The following RALYL variants were observed in gnomAD, a reference collection of about 807,000 sequenced individuals.
RALYL encodes the protein RNA-binding Raly-like protein.
A neutral mutation model predicts 35.1 loss-of-function variants in RALYL; 29 were observed. That is an observed-to-expected ratio of 0.83 (90% CI 0.61 to 1.13). The LOEUF is 1.13. RALYL is among the 50% of genes most tolerant of loss of function. RALYL has a pLI of 0.00. For missense variants in RALYL, 359 were observed against 360.4 expected (o/e 1.00, Z 0.03); for synonymous variants, 120 against 127.6 (o/e 0.94, Z 0.40).
intron 6 of RALYL, chr8:84,864,585 A>G (rs372465016): frequency 1.7e-4 from 39 of 227,952 alleles, no homozygotes; most frequent in Non-Finnish European, 3.1e-4. Context: ...ACTTTAAAAG[A>G]TTTATCCTAA....
At chr8:84,367,598 T>C (rs1197930771) in intron 1 of RALYL, among the ~76,000 whole-genome samples, 1 of 151,954 alleles carries the variant, frequency 6.6e-6, no homozygotes, top group Non-Finnish European at 1.5e-5. Context: ...CTCACAAAAT[T>C]CAAAGGCTAG....
intron 1 of RALYL, among the ~76,000 whole-genome samples, chr8:84,383,398 C>T (rs921260057): frequency 5.3e-5 from 8 of 151,466 alleles, no homozygotes; most frequent in Non-Finnish European, 1.2e-4. Context: ...ACTTTCCTTT[C>T]CACATAAATG....
intron 2 of RALYL, among the ~76,000 whole-genome samples, chr8:84,714,386 T>A (rs1842647438): frequency 6.6e-6 from 1 of 151,830 alleles, no homozygotes. Flanking sequence ...TGAACATTGC[T>A]AAGGGAGTAG....
chr8:84,809,235 G>T (rs1053385498), intron 4 of RALYL, among the ~76,000 whole-genome samples: 3 of 152,064 alleles, frequency 2.0e-5, no homozygotes, highest in Non-Finnish European at 4.4e-5. Context: ...ATCTATTGAG[G>T]TTATCATGTG....
At chr8:84,780,104 T>C (rs1817741669) in intron 3 of RALYL, among the ~76,000 whole-genome samples, 2 of 152,170 alleles carry the variant, frequency 1.3e-5, no homozygotes, top group South Asian at 4.1e-4. Flanking sequence ...AAGCTTAATA[T>C]TTCCATTATC....
At chr8:84,767,679 G>A (rs543013634) in intron 2 of RALYL, among the ~76,000 whole-genome samples, 1 of 152,236 alleles carries the variant, frequency 6.6e-6, no homozygotes, top group South Asian at 2.1e-4. Context: ...TATCCCTATG[G>A]CTGGAATGGA....
chr8:84,861,497 CT>C (rs1838080674), intron 5 of RALYL, among the ~76,000 whole-genome samples: 1 of 152,124 alleles, frequency 6.6e-6, no homozygotes, highest in South Asian at 2.1e-4. Flanking sequence ...TCATTTTTCA[CT>C]TTTCCGCAAA....
chr8:84,852,771 GC>G (rs1203262180), intron 5 of RALYL, among the ~76,000 whole-genome samples: 2 of 152,128 alleles, frequency 1.3e-5, no homozygotes, highest in Non-Finnish European at 2.9e-5. Flanking sequence ...CAGCACAAAA[GC>G]AAGTTTATTA....
At chr8:84,260,683 GACCATAGTT>G (rs753739573) in intron 1 of RALYL, among the ~76,000 whole-genome samples, 1 of 152,166 alleles carries the variant, frequency 6.6e-6, no homozygotes, top group South Asian at 2.1e-4. Context: ...CACTGTTGGT[GACCATAGTT>G]GCATGTAGCC....
At chr8:84,721,422 C>T (rs1843889103) in intron 2 of RALYL, among the ~76,000 whole-genome samples, 1 of 152,050 alleles carries the variant, frequency 6.6e-6, no homozygotes, top group Non-Finnish European at 1.5e-5. Context: ...AAATGTGCAG[C>T]ATATGCACAA....
rs560670624 is a variant in RALYL at position 84,712,496 on chromosome 8, A to G, written c.257-62083A>G. Reference sequence around the variant, plus strand: ...CTCAGAAAAAAATCTGATGATATTCATGTATTTTTCTGTTTAACAATGCCC... The same window carrying G: ...CTCAGAAAAAAATCTGATGATATTCGTGTATTTTTCTGTTTAACAATGCCC... On this transcript the variant is annotated intron_variant, in intron 2 of 8. Coordinates refer to ENST00000521268, the MANE Select transcript of RALYL (RefSeq NM_173848.7). Among the ~76,000 whole-genome samples, 4 of 152,206 alleles carry G rather than the reference A, an allele frequency of 2.6e-5. No individual in the cohort carries two copies. The South Asian group carries it at 8.3e-4, about 32-fold the overall frequency.
chr8:84,651,831 T>C (rs1010521727), intron 2 of RALYL, among the ~76,000 whole-genome samples: 33 of 152,048 alleles, frequency 2.2e-4, no homozygotes, highest in African/African-American at 7.7e-4. Flanking sequence ...GAACAGGATG[T>C]CAGATTCTGT....
intron 1 of RALYL, among the ~76,000 whole-genome samples, chr8:84,470,013 G>T (rs534875538): frequency 6.6e-6 from 1 of 152,078 alleles, no homozygotes; most frequent in Non-Finnish European, 1.5e-5. Context: ...CACGGTGCGC[G>T]CACCCACTGA....
At chr8:84,704,340 G>T (rs142742029) in intron 2 of RALYL, among the ~76,000 whole-genome samples, 1 of 151,842 alleles carries the variant, frequency 6.6e-6, no homozygotes, top group African/African-American at 2.4e-5. Context: ...CAGGAGAATC[G>T]CTTGAACCTG....
intron 1 of RALYL, among the ~76,000 whole-genome samples, chr8:84,462,015 A>G (rs903882335): frequency 6.6e-6 from 1 of 151,794 alleles, no homozygotes; most frequent in African/African-American, 2.4e-5. Context: ...ATCATACAAA[A>G]TAGTTGCCCA....
chr8:84,480,959 G>C (rs2053978367), intron 1 of RALYL, among the ~76,000 whole-genome samples: 1 of 152,022 alleles, frequency 6.6e-6, no homozygotes, highest in Non-Finnish European at 1.5e-5. Flanking sequence ...TTCCTGCATT[G>C]TTTTTATACT....
intron 1 of RALYL, among the ~76,000 whole-genome samples, chr8:84,443,658 A>G (rs1249917639): frequency 6.6e-6 from 1 of 152,138 alleles, no homozygotes; most frequent in African/African-American, 2.4e-5. Flanking sequence ...GCCAGGCATG[A>G]GGGCGCTAAG....
rs538000530 is a variant in RALYL, at chr8:84,517,063, G to T, written c.-23-12236G>T. On this transcript the variant is annotated intron_variant, in intron 1 of 8. Transcript: ENST00000521268. Reference sequence around the variant, plus strand: ...TTTGTATTGTAATGGTATCAAATTTGTAGAAGAAATTTCTGACATAAATTC... The same window carrying T: ...TTTGTATTGTAATGGTATCAAATTTTTAGAAGAAATTTCTGACATAAATTC... Among the ~76,000 whole-genome samples the T allele has an allele frequency of 3.1e-4, 47 of 152,222 alleles. 1 individual carries two copies. The South Asian group carries it at 4.1e-3, about 13-fold the overall frequency.
At chr8:84,491,665 A>T (rs1198746142) in intron 1 of RALYL, among the ~76,000 whole-genome samples, 1 of 152,046 alleles carries the variant, frequency 6.6e-6, no homozygotes, top group African/African-American at 2.4e-5. Flanking sequence ...GAAAAAATAA[A>T]CAAACAAACA....
Sources: gnomAD v4.1 joint callset for allele counts (sites outside exome capture counted in the v4.1 genomes callset) on GRCh38, gnomAD v4.1.1 for gene constraint, MANE v1.5 for transcripts, NCBI Gene and HGNC (gene_info 2026-07-23, HGNC 2026-07-21) for gene names.